Variants in TRPC4 observed in about 807,000 individuals in gnomAD.
The protein encoded by TRPC4 is short transient receptor potential channel 4.
Under a neutral mutation model 99.4 loss-of-function variants are expected in TRPC4, and 49 were observed. The observed-to-expected ratio is 0.49, with a 90% confidence interval of 0.39 to 0.63. The LOEUF (loss-of-function observed/expected upper bound fraction) is 0.63. Among genes scored for constraint, TRPC4 ranks in the 20% least tolerant of loss-of-function variants. The pLI, the probability that TRPC4 is intolerant of heterozygous loss-of-function variation, is 0.00. For synonymous variants in TRPC4, 454 were observed against 425.9 expected, an observed-to-expected ratio of 1.07 and a Z score of -0.81; for missense variants, 898 against 1,152.9, an observed-to-expected ratio of 0.78 and a Z score of 3.20.
chr13:37,850,911 A>G (rs998097115), intron 1 of TRPC4, among the ~76,000 whole-genome samples: 3 of 152,108 alleles, frequency 2.0e-5, no homozygotes, highest in African/African-American at 7.2e-5. Flanking sequence ...CGTCCTGGTG[A>G]AAAGGCATAC....
intron 8 of TRPC4, among the ~76,000 whole-genome samples, chr13:37,639,506 CAG>C (rs1313004536): frequency 5.9e-5 from 9 of 151,790 alleles, no homozygotes; most frequent in Admixed American, 3.9e-4. Context: ...ATTTGAAACA[CAG>C]AATAAGTTAA....
chr13:37,689,508 T>G (rs907997095), intron 4 of TRPC4, among the ~76,000 whole-genome samples: 1 of 152,220 alleles, frequency 6.6e-6, no homozygotes, highest in African/African-American at 2.4e-5. Flanking sequence ...TTGCACGCAT[T>G]TTTTAATTCT....
chr13:37,720,871 A>G (rs1002640193), intron 3 of TRPC4, among the ~76,000 whole-genome samples: 1 of 152,228 alleles, frequency 6.6e-6, no homozygotes, highest in Non-Finnish European at 1.5e-5. Flanking sequence ...CAACTTAACA[A>G]TTGGTGCAGT....
At chr13:37,825,743 T>C (rs1216761502) in intron 1 of TRPC4, among the ~76,000 whole-genome samples, 9 of 150,368 alleles carry the variant, frequency 6.0e-5, no homozygotes, top group African/African-American at 7.4e-5. Flanking sequence ...AAAAAATGTA[T>C]ATTCTGTTGA....
At chr13:37,646,605 C>CA (rs1174884375) in intron 8 of TRPC4, among the ~76,000 whole-genome samples, 4 of 151,984 alleles carry the variant, frequency 2.6e-5, no homozygotes, top group Non-Finnish European at 5.9e-5. Flanking sequence ...TAAAAAACTT[C>CA]AAAAAAATTG....
Position 37,753,575 on chromosome 13 carries a change from AAGAGAGAGAGAGAG to A in TRPC4, c.379-7134_379-7121del, listed in dbSNP as rs61394712. 2.2e-3 allele frequency among the ~76,000 whole-genome samples: 308 copies of A among 137,372 alleles called. 9 individuals carry two copies. In the East Asian group the frequency reaches 0.058, roughly 26 times the overall value. The allele number at this position is 137,372 out of a possible 152,430, so 90.1% of individuals were successfully genotyped here. A position where few individuals can be genotyped will look rare whatever the true frequency, so the allele number is the denominator to read the frequency against. On this transcript the variant is annotated intron_variant, in intron 2 of 10. Transcript: ENST00000379705. The stretch of plus-strand genomic sequence containing the variant: ...AGAGAAAGAAAGAGAGAGAGAGAGA[AAGAGAGAGAGAGAG>A]AGAGAGAGAGAGAGAGAGAAAGAAA...
At chr13:37,697,899 A>G (rs564934209) in intron 3 of TRPC4, among the ~76,000 whole-genome samples, 1 of 152,206 alleles carries the variant, frequency 6.6e-6, no homozygotes, top group South Asian at 2.1e-4. Context: ...ATATATTCCA[A>G]TGTCTATAAA....
rs755109553 is a variant in TRPC4, at chr13:37,648,788, C to T, written c.2079+2477G>A. Reference sequence around the variant, plus strand: ...AAAAAATGATGGCAACATAATCCTACCCATGAGTCAACAGTGAGAGGATAG... The same window carrying T: ...AAAAAATGATGGCAACATAATCCTATCCATGAGTCAACAGTGAGAGGATAG... On this transcript the variant is annotated intron_variant, in intron 8 of 10. Coordinates refer to ENST00000379705, the MANE Select transcript of TRPC4 (RefSeq NM_016179.4). Among the ~76,000 whole-genome samples the T allele has an allele frequency of 2.0e-4, 30 of 152,162 alleles. No homozygotes were observed. In the South Asian group the frequency reaches 2.7e-3, roughly 14 times the overall value.
intron 1 of TRPC4, among the ~76,000 whole-genome samples, chr13:37,794,206 G>GT (rs5802902): frequency 1.6e-4 from 24 of 151,502 alleles, no homozygotes; most frequent in Non-Finnish European, 7.4e-5. Context: ...GTAATTGGTG[G>GT]TTTTTTTTGT....
At chr13:37,743,536 A>G (rs1320705050) in intron 3 of TRPC4, among the ~76,000 whole-genome samples, 1 of 152,138 alleles carries the variant, frequency 6.6e-6, no homozygotes, top group South Asian at 2.1e-4. Flanking sequence ...AATGGAGAAT[A>G]TATATTCAAT....
intron 3 of TRPC4, among the ~76,000 whole-genome samples, chr13:37,703,032 G>C (rs1044752427): frequency 6.6e-6 from 1 of 152,124 alleles, no homozygotes; most frequent in Non-Finnish European, 1.5e-5. Context: ...GTCCAGCACT[G>C]TACCCTTAGT....
intron 2 of TRPC4, among the ~76,000 whole-genome samples, chr13:37,774,988 A>G (rs1251058409): frequency 6.6e-6 from 1 of 151,420 alleles, no homozygotes; most frequent in Middle Eastern, 3.2e-3. Context: ...AATTCAATTA[A>G]TATACTGCTC....
intron 3 of TRPC4, among the ~76,000 whole-genome samples, chr13:37,706,681 A>G (rs949420145): frequency 7.7e-6 from 1 of 129,608 alleles, no homozygotes; most frequent in African/African-American, 3.1e-5. Context: ...TCCTGTGTCC[A>G]TGTGTTCTCA....
chr13:37,755,890 C>G (rs1001843769), intron 2 of TRPC4, among the ~76,000 whole-genome samples: 1 of 151,882 alleles, frequency 6.6e-6, no homozygotes, highest in Non-Finnish European at 1.5e-5. Flanking sequence ...TCAAGGGCTT[C>G]AATAAAAATG....
chr13:37,656,341 C>A (rs1952236039), intron 6 of TRPC4, among the ~76,000 whole-genome samples: 1 of 152,126 alleles, frequency 6.6e-6, no homozygotes, highest in African/African-American at 2.4e-5. Context: ...TCATACACGG[C>A]ATGATGACTA....
chr13:37,721,622 C>T (rs189317400), intron 3 of TRPC4, among the ~76,000 whole-genome samples: 1 of 152,148 alleles, frequency 6.6e-6, no homozygotes, highest in East Asian at 1.9e-4. Context: ...AAAAGTGAAA[C>T]TAAATGTTCG....
At chr13:37,768,781 T>A (rs1956464972) in intron 2 of TRPC4, among the ~76,000 whole-genome samples, 1 of 150,622 alleles carries the variant, frequency 6.6e-6, no homozygotes, top group Admixed American at 6.6e-5. Flanking sequence ...CCACAGAAAA[T>A]ATACTGAAGG....
intron 3 of TRPC4, among the ~76,000 whole-genome samples, chr13:37,715,634 C>A (rs1270481940): frequency 1.3e-5 from 2 of 152,106 alleles, no homozygotes; most frequent in Non-Finnish European, 2.9e-5. Flanking sequence ...ATTGCTGTAT[C>A]TACTTGCAAC....
rs373300966 is a variant in TRPC4 at position 37,729,344 on chromosome 13, G to A, written c.897+16593C>T. Among the ~76,000 whole-genome samples the A allele has an allele frequency of 7.2e-5, 11 of 152,196 alleles. No individual in the cohort carries two copies. In the East Asian group the frequency reaches 1.4e-3, roughly 19 times the overall value. On this transcript the variant is annotated intron_variant, in intron 3 of 10. Transcript: ENST00000379705. ...ACAGATGATAACAATTGTAGGTGAG[G>A]ATGTGGAGAAATGGGTACCCTCATG...
Sources: allele counts gnomAD v4.1 joint callset (sites outside exome capture counted in the v4.1 genomes callset), GRCh38; gene constraint gnomAD v4.1.1; transcripts MANE v1.5; gene names NCBI Gene and HGNC (gene_info 2026-07-23, HGNC 2026-07-21).